HNF4G: variants seen among roughly 807,000 people sequenced by gnomAD.
HNF4G encodes hepatocyte nuclear factor 4-gamma.
Under a neutral mutation model 50.9 loss-of-function variants are expected in HNF4G, and 21 were observed. The ratio of observed to expected loss-of-function variants is 0.41; its 90% CI spans 0.29 to 0.59. The LOEUF (loss-of-function observed/expected upper bound fraction) is 0.59. Among genes scored for constraint, HNF4G ranks in the 20% least tolerant of loss-of-function variants. The pLI is 0.26. For synonymous variants in HNF4G, 198 were observed against 185.6 expected (o/e 1.07, Z -0.54); for missense variants, 527 against 559.4 (o/e 0.94, Z 0.58).
At chr8:75,558,131 T>C (rs1807185251) in intron 6 of HNF4G, among the ~76,000 whole-genome samples, 1 of 152,214 alleles carries the variant, frequency 6.6e-6, no homozygotes, top group Non-Finnish European at 1.5e-5. Context: ...CTGTTTTTAA[T>C]CCGCTGTAAA....
chr8:75,566,731 A>G lies in HNF4G; in HGVS notation c.*2635A>G, dbSNP rs1448854576. ...TTATTGTTGGAAATCAAAAATTAGTAGATTTTTTACCATGTTAAATTATAG... is the reference window on the plus strand; with the variant it reads ...TTATTGTTGGAAATCAAAAATTAGTGGATTTTTTACCATGTTAAATTATAG... On this transcript the variant is annotated 3_prime_UTR_variant, in exon 10 of 10. Coordinates refer to ENST00000396423, the MANE Select transcript of HNF4G (RefSeq NM_004133.5). 2.0e-5 allele frequency: 3 copies of G among 152,310 alleles called. No homozygotes were observed. The highest frequency in any genetic ancestry group is 4.4e-5 in the Non-Finnish European group (3 of 67,998). 9.4% of individuals were successfully genotyped at this position (152,310 alleles called of 1,614,324 possible). A position where few individuals can be genotyped will look rare whatever the true frequency, so the allele number is the denominator to read the frequency against.
intron 2 of HNF4G, among the ~76,000 whole-genome samples, chr8:75,503,598 T>C (rs1018103392): frequency 6.6e-6 from 1 of 152,210 alleles, no homozygotes; most frequent in African/African-American, 2.4e-5. Context: ...TATAATACTT[T>C]ACTGAAGTTT....
intron 2 of HNF4G, among the ~76,000 whole-genome samples, chr8:75,494,439 G>A (rs1308609771): frequency 6.6e-6 from 1 of 151,648 alleles, no homozygotes; most frequent in African/African-American, 2.4e-5. Flanking sequence ...ATAATGAGAT[G>A]AACATTAATA....
At chr8:75,532,896 G>A (rs1465042777) in intron 2 of HNF4G, among the ~76,000 whole-genome samples, 2 of 151,986 alleles carry the variant, frequency 1.3e-5, no homozygotes, top group African/African-American at 4.8e-5. Flanking sequence ...TCTCAGTCCA[G>A]CTTCATGGAT....
intron 1 of HNF4G, among the ~76,000 whole-genome samples, chr8:75,488,856 C>T (rs367943210): frequency 2.0e-5 from 3 of 152,064 alleles, no homozygotes; most frequent in African/African-American, 7.2e-5. Context: ...GTTTCATCCT[C>T]GGTTTGGTCA....
At chr8:75,488,997 C>T (rs987919274) in intron 1 of HNF4G, among the ~76,000 whole-genome samples, 7 of 152,116 alleles carry the variant, frequency 4.6e-5, no homozygotes, top group Non-Finnish European at 4.4e-5. Flanking sequence ...TTAGGCTCAC[C>T]GCTCACTTTG....
At chr8:75,559,078 A>G in intron 8 of HNF4G, 41 bp downstream of exon 8, 1 of 1,232,656 alleles carries the variant, frequency 8.1e-7, no homozygotes, top group Admixed American at 1.7e-5. Context: ...GATTAGAATC[A>G]CACTAAATAT....
At chr8:75,433,208 C>T (rs1309797475) in intron 1 of HNF4G, among the ~76,000 whole-genome samples, 3 of 151,898 alleles carry the variant, frequency 2.0e-5, no homozygotes, top group Admixed American at 2.0e-4. Flanking sequence ...TAGAGACCAG[C>T]CTGGTCAACA....
At chr8:75,508,817 G>A (rs1293168938) in intron 2 of HNF4G, among the ~76,000 whole-genome samples, 1 of 152,170 alleles carries the variant, frequency 6.6e-6, no homozygotes, top group Non-Finnish European at 1.5e-5. Context: ...AGCTGAAGAC[G>A]AAGGCCAGAA....
At chr8:75,466,675 C>G (rs1460622419) in intron 1 of HNF4G, among the ~76,000 whole-genome samples, 3 of 119,496 alleles carry the variant, frequency 2.5e-5, no homozygotes, top group South Asian at 2.7e-4. Flanking sequence ...CTTCCCTTCC[C>G]TTCCCTTCCC....
chr8:75,426,006 A>G (rs566850859), intron 1 of HNF4G, among the ~76,000 whole-genome samples: 15 of 152,288 alleles, frequency 9.8e-5, no homozygotes, highest in African/African-American at 3.4e-4. Context: ...AAATATTTCT[A>G]TTTTGTCAAT....
chr8:75,500,282 G>A lies in HNF4G; in HGVS notation c.-24+10074G>A, dbSNP rs118117240. Among the ~76,000 whole-genome samples the A allele has an allele frequency of 4.1e-3, 621 of 152,184 alleles. 1 individual carries two copies. Among genetic ancestry groups the A allele is most frequent in the Non-Finnish European group, 6.0e-3 (411 of 67,966 alleles). On this transcript the variant is annotated intron_variant, in intron 2 of 10. Coordinates refer to the HNF4G transcript ENST00000354370. ...AGCACATGAAAAAATGTCCAACATC[G>A]TTAGTCATTAGGAAAATGCAATTTA...
chr8:75,552,356 A>G (rs2130803187), intron 4 of HNF4G, among the ~76,000 whole-genome samples: 1 of 152,304 alleles, frequency 6.6e-6, no homozygotes, highest in Admixed American at 6.5e-5. Context: ...ACTCACACGC[A>G]TGTTCAAAAA....
At chr8:75,412,240 A>T (rs1327124150) in intron 1 of HNF4G, among the ~76,000 whole-genome samples, 1 of 152,222 alleles carries the variant, frequency 6.6e-6, no homozygotes, top group African/African-American at 2.4e-5. Flanking sequence ...CACCAAGTAT[A>T]GTTCCATGGC....
chr8:75,488,992 C>T (rs1812559155), intron 1 of HNF4G, among the ~76,000 whole-genome samples: 1 of 152,154 alleles, frequency 6.6e-6, no homozygotes, highest in Non-Finnish European at 1.5e-5. Flanking sequence ...AGCTTTTAGG[C>T]TCACCGCTCA....
intron 1 of HNF4G, among the ~76,000 whole-genome samples, chr8:75,460,154 C>T (rs1408512685): frequency 2.0e-5 from 3 of 151,908 alleles, no homozygotes; most frequent in Admixed American, 6.6e-5. Flanking sequence ...TGACTAGTAA[C>T]TAAGTGGTTT....
chr8:75,487,038 T>TA (rs71271869), intron 1 of HNF4G, among the ~76,000 whole-genome samples: 34,680 of 152,052 alleles, frequency 0.23, 5,160 homozygotes, highest in African/African-American at 0.42. Flanking sequence ...TAGGTAATGT[T>TA]AAATCCCACT....
intron 2 of HNF4G, among the ~76,000 whole-genome samples, chr8:75,518,171 A>T (rs1184475183): frequency 1.8e-5 from 2 of 111,728 alleles, no homozygotes; most frequent in African/African-American, 3.6e-5. Context: ...CCGGTGTGTG[A>T]TGTTCCCCTT....
At chr8:75,438,609 A>G (rs930982285) in intron 1 of HNF4G, among the ~76,000 whole-genome samples, 3 of 151,024 alleles carry the variant, frequency 2.0e-5, no homozygotes, top group Non-Finnish European at 4.4e-5. Context: ...TTGGAATACA[A>G]TTTACCTTCA....
Sources: allele counts gnomAD v4.1 joint callset (sites outside exome capture counted in the v4.1 genomes callset), GRCh38; gene constraint gnomAD v4.1.1; transcripts MANE v1.5; gene names NCBI Gene and HGNC (gene_info 2026-07-23, HGNC 2026-07-21).